KHDRBS2: variants seen among roughly 807,000 people sequenced by gnomAD.
KHDRBS2 encodes the protein KH RNA binding domain containing, signal transduction associated 2.
In KHDRBS2, 26 loss-of-function variants were observed where a neutral mutation model predicts 44.3. That is an observed-to-expected ratio of 0.59 (90% CI 0.43 to 0.81). The LOEUF is 0.81. Ranked by LOEUF, KHDRBS2 falls within the 40% of genes least tolerant of loss-of-function variation. The pLI is 0.00. For synonymous variants in KHDRBS2, 194 were observed against 151.1 expected (o/e 1.28, Z -2.08); for missense variants, 476 against 433.1 (o/e 1.10, Z -0.88).
chr6:61,767,896 A>G (rs1323215771), intron 6 of KHDRBS2, among the ~76,000 whole-genome samples: 3 of 152,136 alleles, frequency 2.0e-5, no homozygotes, highest in Non-Finnish European at 4.4e-5. Context: ...TATTCAAGAT[A>G]TGAATTATTT....
intron 4 of KHDRBS2, among the ~76,000 whole-genome samples, chr6:61,905,181 A>T (rs574823309): frequency 6.6e-6 from 1 of 152,338 alleles, no homozygotes; most frequent in East Asian, 1.9e-4. Flanking sequence ...ACAAAGACTC[A>T]TGAAGATGGG....
the KHDRBS2 span, among the ~76,000 whole-genome samples, chr6:61,583,867 C>A: frequency 6.6e-6 from 1 of 150,534 alleles, no homozygotes; most frequent in Non-Finnish European, 1.5e-5. Context: ...TCATTTAGTC[C>A]TTTTTAAGTG....
At chr6:61,722,541 C>A (rs1772813269) in intron 7 of KHDRBS2, among the ~76,000 whole-genome samples, 1 of 151,966 alleles carries the variant, frequency 6.6e-6, no homozygotes, top group African/African-American at 2.4e-5. Context: ...AGTTAAAGTC[C>A]ATTTTCTCTA....
intron 6 of KHDRBS2, among the ~76,000 whole-genome samples, chr6:61,854,596 T>C (rs1795901049): frequency 6.6e-6 from 1 of 152,160 alleles, no homozygotes; most frequent in Non-Finnish European, 1.5e-5. Flanking sequence ...TATATCTCAC[T>C]CACTATTTTA....
intron 3 of KHDRBS2, among the ~76,000 whole-genome samples, chr6:62,014,894 C>T (rs17457213): frequency 0.053 from 8,033 of 152,032 alleles, 256 homozygotes; most frequent in African/African-American, 0.08. Flanking sequence ...AATGTGGTTT[C>T]GTTTAGGAAG....
chr6:62,245,489 T>C (rs564588303), intron 1 of KHDRBS2, among the ~76,000 whole-genome samples: 13 of 152,256 alleles, frequency 8.5e-5, no homozygotes, highest in African/African-American at 2.9e-4. Flanking sequence ...CAATTTTAGT[T>C]GGCCATAAAG....
the KHDRBS2 span, among the ~76,000 whole-genome samples, chr6:61,634,497 C>G: frequency 2.0e-5 from 3 of 151,162 alleles, no homozygotes; most frequent in African/African-American, 4.8e-5. Flanking sequence ...TTGCATTGCT[C>G]TCCATTGTCT....
the KHDRBS2 span, among the ~76,000 whole-genome samples, chr6:61,578,734 G>T: frequency 6.6e-6 from 1 of 152,122 alleles, no homozygotes; most frequent in Admixed American, 6.6e-5. Context: ...ATTATAGTCG[G>T]ATGCTTGGAC....
At chr6:61,576,301 C>T in the KHDRBS2 span, among the ~76,000 whole-genome samples, 1 of 139,792 alleles carries the variant, frequency 7.2e-6, no homozygotes, top group Non-Finnish European at 1.6e-5. Flanking sequence ...ATCCTTCACC[C>T]CCTTGATTAA....
chr6:61,589,558 A>G, the KHDRBS2 span, among the ~76,000 whole-genome samples: 1 of 152,220 alleles, frequency 6.6e-6, no homozygotes, highest in Non-Finnish European at 1.5e-5. Flanking sequence ...ACCTGAAAAC[A>G]TTATGAACTA....
chr6:61,863,328 C>T (rs1200588013), intron 6 of KHDRBS2, among the ~76,000 whole-genome samples: 1 of 144,474 alleles, frequency 6.9e-6, no homozygotes, highest in Non-Finnish European at 1.5e-5. Flanking sequence ...TTTCTTCTGT[C>T]AGTGTTAGGG....
the KHDRBS2 span, among the ~76,000 whole-genome samples, chr6:61,552,365 A>T: frequency 6.6e-6 from 1 of 152,130 alleles, no homozygotes; most frequent in African/African-American, 2.4e-5. Flanking sequence ...TTGATTTTGT[A>T]TACTAAAACT....
At chr6:61,604,343 A>G in the KHDRBS2 span, among the ~76,000 whole-genome samples, 1 of 145,796 alleles carries the variant, frequency 6.9e-6, no homozygotes, top group Non-Finnish European at 1.5e-5. Context: ...GTAGCTAAGA[A>G]AAGCAACTAG....
At chr6:62,148,858 A>G (rs77531073) in intron 2 of KHDRBS2, among the ~76,000 whole-genome samples, 11,352 of 152,116 alleles carry the variant, frequency 0.075, 453 homozygotes, top group African/African-American at 0.086. Context: ...TATCTTACGT[A>G]AAAATTCAGA....
intron 2 of KHDRBS2, among the ~76,000 whole-genome samples, chr6:62,093,714 G>A (rs909639374): frequency 6.6e-6 from 1 of 151,714 alleles, no homozygotes; most frequent in African/African-American, 2.4e-5. Context: ...CAATGTTTTA[G>A]ATTCCCATTT....
intron 4 of KHDRBS2, among the ~76,000 whole-genome samples, chr6:61,932,095 C>T (rs908136124): frequency 2.0e-5 from 3 of 151,956 alleles, no homozygotes; most frequent in Non-Finnish European, 4.4e-5. Context: ...GTAAGGCTTC[C>T]AGCTAATAGT....
chr6:61,823,383 T>C (rs1380834693), intron 6 of KHDRBS2, among the ~76,000 whole-genome samples: 1 of 152,116 alleles, frequency 6.6e-6, no homozygotes, highest in African/African-American at 2.4e-5. Flanking sequence ...TTCAGTCTTT[T>C]GCAGAATATC....
intron 3 of KHDRBS2, among the ~76,000 whole-genome samples, chr6:62,009,439 A>G (rs1779875640): frequency 6.6e-6 from 1 of 152,240 alleles, no homozygotes; most frequent in South Asian, 2.1e-4. Context: ...AATGTGATAG[A>G]AAAGAAAATC....
chr6:62,111,196 G>C (rs191822020), intron 2 of KHDRBS2, among the ~76,000 whole-genome samples: 1 of 152,080 alleles, frequency 6.6e-6, no homozygotes, highest in Admixed American at 6.6e-5. Context: ...TTCACAGATA[G>C]ATTTAAATTT....
Sources: gnomAD v4.1 joint callset for allele counts (sites outside exome capture counted in the v4.1 genomes callset) on GRCh38, gnomAD v4.1.1 for gene constraint, MANE v1.5 for transcripts, NCBI Gene and HGNC (gene_info 2026-07-23, HGNC 2026-07-21) for gene names.